The following TNNT2 variants were observed in gnomAD, a reference collection of about 807,000 sequenced individuals.
The protein encoded by TNNT2 is troponin T2, cardiac type.
In TNNT2, 34 loss-of-function variants were observed where a neutral mutation model predicts 62.4. That is an observed-to-expected ratio of 0.54 (90% CI 0.41 to 0.72). TNNT2 has a LOEUF of 0.72. Ranked by LOEUF, TNNT2 falls within the 30% of genes least tolerant of loss-of-function variation. The probability of loss-of-function intolerance (pLI) is 0.00; values close to 1 mark genes in which losing one functional copy is unlikely to be tolerated. For synonymous variants in TNNT2, 123 were observed against 127.2 expected (o/e 0.97, Z 0.22); for missense variants, 275 against 381.9 (o/e 0.72, Z 2.33).
chr1:201,376,025 G>A (rs1661351838), intron 1 of TNNT2, among the ~76,000 whole-genome samples: 1 of 152,212 alleles, frequency 6.6e-6, no homozygotes, highest in South Asian at 2.1e-4. Context: ...AGGGGAAAGA[G>A]GTGGGCTGAG....
intron 2 of TNNT2, chr1:201,372,990 AACC>A: frequency 1.5e-6 from 1 of 677,634 alleles, no homozygotes; most frequent in South Asian, 1.5e-5. Context: ...CCTGGAGCTG[AACC>A]TCTGTGCTTC....
chr1:201,362,338 T>G, intron 13 of TNNT2, 48 bp downstream of exon 13: 1 of 1,611,088 alleles, frequency 6.2e-7, no homozygotes, highest in African/African-American at 1.3e-5. Context: ...CCCAGGGAGC[T>G]CTCCAAAACT....
In TNNT2 at chr1:201,372,303, C is replaced by T. The variant is rs531812743; in HGVS notation, c.42-148G>A. The T allele has an allele frequency of 5.3e-5, 62 of 1,176,832 alleles. No homozygotes were observed. The African/African-American group carries it at 9.0e-4, about 17-fold the overall frequency. 72.9% of individuals were successfully genotyped at this position (1,176,832 alleles called of 1,614,324 possible). ...GCCTAGTGGAGTCCACGCTGCCCTG[C>T]CCACCTTGCAATGACACCCACTAGC... On this transcript the variant is annotated intron_variant, in intron 2 of 16. Transcript: ENST00000656932.
intron 14 of TNNT2, 98 bp downstream of exon 14, chr1:201,361,815 C>T (rs1482279898): frequency 1.7e-6 from 2 of 1,163,610 alleles, no homozygotes; most frequent in African/African-American, 3.0e-5. Context: ...GTGAGGCAGT[C>T]CTGCCCTCTG....
Position 201,377,656 on chromosome 1 carries a change from C to T in TNNT2, c.-48G>A, listed in dbSNP as rs771906661. On this transcript the variant is annotated 5_prime_UTR_variant, in exon 1 of 17. Transcript: ENST00000656932. The stretch of plus-strand genomic sequence containing the variant: ...AGCAGCTGCCGACAGATCCTGGAGG[C>T]GTCTGCTCAGTCTCAGCGGGGACTG... The T allele has an allele frequency of 4.4e-5, 20 of 456,124 alleles. No individual in the cohort carries two copies. Among genetic ancestry groups the T allele is most frequent in the Admixed American group, 4.7e-5 (2 of 42,560 alleles). 28.3% of individuals were successfully genotyped at this position (456,124 alleles called of 1,614,324 possible).
chr1:201,360,906 G>T (rs778679110), intron 15 of TNNT2: 6 of 366,906 alleles, frequency 1.6e-5, no homozygotes, highest in Non-Finnish European at 3.2e-5. Context: ...GGGTGTATGT[G>T]GGGAGAAGCA....
intron 4 of TNNT2, among the ~76,000 whole-genome samples, chr1:201,371,262 T>C (rs777810443): frequency 2.6e-5 from 4 of 152,180 alleles, no homozygotes; most frequent in African/African-American, 7.2e-5. Context: ...CATTTCCATG[T>C]GCCAAGCTCT....
At chr1:201,363,518 C>T in intron 11 of TNNT2, 112 bp from the exon 12 acceptor site, 2 of 993,844 alleles carry the variant, frequency 2.0e-6, no homozygotes, top group Non-Finnish European at 3.2e-6. Flanking sequence ...CTCCGCTCAG[C>T]AAGGAGCTTT....
At position 201,362,036 on chromosome 1, in the gene TNNT2, G is replaced by A; in HGVS notation, c.610-14C>T. 1 of 1,613,744 alleles carries A rather than the reference G, an allele frequency of 6.2e-7. No individual in the cohort carries two copies. The highest frequency in any genetic ancestry group is 8.5e-7 in the Non-Finnish European group (1 of 1,179,676). On this transcript the variant is annotated splice_polypyrimidine_tract_variant and intron_variant, in intron 13 of 16. Transcript: ENST00000656932. ...TTTCCGCTCTGTCTGGAGGGTGTGG[G>A]AAGCAGAGTAAACTGGCCAGATTGC...
intron 4 of TNNT2, among the ~76,000 whole-genome samples, chr1:201,370,569 T>C (rs141446479): frequency 1.1e-3 from 171 of 152,350 alleles, no homozygotes; most frequent in African/African-American, 3.8e-3. Context: ...GCATTATCTA[T>C]CCTGCAGGCT....
At chr1:201,369,729 A>G in intron 5 of TNNT2, 87 bp downstream of exon 5, 1 of 1,565,312 alleles carries the variant, frequency 6.4e-7, no homozygotes, top group Non-Finnish European at 8.8e-7. Flanking sequence ...CACACCCCCC[A>G]GCCCCCAGAA....
chr1:201,363,054 G>T (rs930377414), intron 12 of TNNT2: 1 of 949,412 alleles, frequency 1.1e-6, no homozygotes, highest in Non-Finnish European at 1.3e-6. Context: ...AGGCATGGGG[G>T]GCACCATTGG....
chr1:201,364,352 G>A lies in TNNT2; in HGVS notation c.435C>T (p.Ala145=), dbSNP rs375675827. The A allele has an allele frequency of 1.4e-5, 22 of 1,613,034 alleles. No individual in the cohort carries two copies. Among genetic ancestry groups the A allele is most frequent in the African/African-American group, 2.7e-5 (2 of 74,934 alleles). Residue 145 remains alanine, a synonymous_variant, in exon 11 of 17, where the codon GCC becomes GCT. Coordinates refer to ENST00000656932, the MANE Select transcript of TNNT2 (RefSeq NM_001276345.2). ...DRIERRRAER[A]EQQRIRNERE... ...GCTCATTCCGGATGCGCTGCTGCTCGGCCCGCTCTGCCCGACGTCTCTCCT... is the reference window on the plus strand; with the variant it reads ...GCTCATTCCGGATGCGCTGCTGCTCAGCCCGCTCTGCCCGACGTCTCTCCT...
chr1:201,362,016 G>A lies in TNNT2; in HGVS notation c.616C>T (p.Arg206Trp), dbSNP rs730881106. ...TCAGTCTGCCTCTTCCCACTTTTCC[G>A]CTCTGTCTGGAGGGTGTGGGAAGCA... ...GYIQKQAQTE[R>W]KSGKRQTERE... is the part of the protein sequence containing the mutation. The change falls in exon 14 of 17, where the codon CGG becomes TGG. Residue 206 changes from arginine (R) to tryptophan (W), a missense_variant. By Grantham distance (101) the Arg-to-Trp change is moderately radical. Transcript: ENST00000656932. 1.9e-6 allele frequency: 3 copies of A among 1,614,024 alleles called. No individual in the cohort carries two copies. The highest frequency in any genetic ancestry group is 1.7e-6 in the Non-Finnish European group (2 of 1,179,978).
At chr1:201,374,283 C>G (rs764834992) in intron 1 of TNNT2, 27 of 152,196 alleles carry the variant, frequency 1.8e-4, no homozygotes, top group Admixed American at 7.2e-4. Flanking sequence ...AAAATGTTCC[C>G]CCAGGGAACT....
intron 5 of TNNT2, among the ~76,000 whole-genome samples, chr1:201,368,837 T>C (rs1465139669): frequency 6.6e-6 from 1 of 152,208 alleles, no homozygotes; most frequent in Non-Finnish European, 1.5e-5. Context: ...TGTTCACTGA[T>C]GCACTGGGAA....
intron 11 of TNNT2, chr1:201,363,794 C>A (rs1013080269): frequency 6.4e-6 from 2 of 314,060 alleles, no homozygotes; most frequent in East Asian, 7.9e-5. Context: ...TTCATAAGGA[C>A]GCAGGCATTT....
intron 2 of TNNT2, among the ~76,000 whole-genome samples, chr1:201,372,613 A>C (rs935048202): frequency 1.3e-5 from 2 of 152,104 alleles, no homozygotes; most frequent in African/African-American, 2.4e-5. Context: ...CCAGGCCCCC[A>C]GTTGCTAATT....
In TNNT2 at chr1:201,366,887, G is replaced by A; in HGVS notation, c.200-16C>T. 1 of 1,614,136 alleles carries A rather than the reference G, an allele frequency of 6.2e-7. No homozygotes were observed. The highest frequency in any genetic ancestry group is 1.1e-5 in the South Asian group (1 of 91,076). Reference sequence around the variant, plus strand: ...ATTGGGCCATCTGGAGGAGATAGAAGCACACAGCCATGGGTCAGGGGGCCC... The same window carrying A: ...ATTGGGCCATCTGGAGGAGATAGAAACACACAGCCATGGGTCAGGGGGCCC... On this transcript the variant is annotated splice_polypyrimidine_tract_variant and intron_variant, in intron 7 of 16. Transcript: ENST00000656932.
Sources: allele counts gnomAD v4.1 joint callset (sites outside exome capture counted in the v4.1 genomes callset), GRCh38; gene constraint gnomAD v4.1.1; transcripts MANE v1.5; gene names NCBI Gene and HGNC (gene_info 2026-07-23, HGNC 2026-07-21).